Variants in TMEM200A observed in about 807,000 individuals in gnomAD.
TMEM200A encodes the protein two transmembrane C.
A neutral mutation model predicts 24.3 loss-of-function variants in TMEM200A; 12 were observed. That is an observed-to-expected ratio of 0.49 (90% confidence interval 0.32 to 0.80). The LOEUF (loss-of-function observed/expected upper bound fraction) is 0.80. TMEM200A is among the 30% of genes least tolerant of loss of function. TMEM200A has a pLI of 0.04. For missense variants in TMEM200A, 545 were observed against 614.4 expected, an observed-to-expected ratio of 0.89 and a Z score of 1.19; for synonymous variants, 224 against 224.4, an observed-to-expected ratio of 1.00 and a Z score of 0.02.
chr6:130,365,954 C>T (rs1010433522), upstream of TMEM200A: 2 of 973,978 alleles, frequency 2.1e-6, no homozygotes, highest in African/African-American at 4.1e-5. Flanking sequence ...GAAGTCCGCC[C>T]CGGCCCCCGC....
rs374337117 is a variant in TMEM200A at position 130,376,053 on chromosome 6, G to T, written c.-80-9120G>T. Among the ~76,000 whole-genome samples the T allele has an allele frequency of 3.2e-3, 488 of 151,700 alleles. 1 individual carries two copies. Among genetic ancestry groups the T allele is most frequent in the Middle Eastern group, 0.028 (8 of 290 alleles). On this transcript the variant is annotated intron_variant, in intron 1 of 2. Coordinates refer to ENST00000296978, the MANE Select transcript of TMEM200A (RefSeq NM_001258277.2). ...AATAGCAATTTCAAAAGAATATATA[G>T]AGCTTAGTAAGTCCACCACAGAGTT...
intron 2 of TMEM200A, among the ~76,000 whole-genome samples, chr6:130,436,190 A>G (rs1156465222): frequency 6.6e-6 from 1 of 152,200 alleles, no homozygotes; most frequent in Non-Finnish European, 1.5e-5. Flanking sequence ...AAGTTACCTA[A>G]GCTCTCTTAG....
intron 2 of TMEM200A, among the ~76,000 whole-genome samples, chr6:130,433,136 C>CT (rs34311658): frequency 0.12 from 15,926 of 138,398 alleles, 2,291 homozygotes; most frequent in African/African-American, 0.34. Context: ...AAAAGATGAT[C>CT]TTTTTTTTTT....
chr6:130,430,870 G>T lies in TMEM200A; in HGVS notation c.-16-9537G>T, dbSNP rs558769498. On this transcript the variant is annotated intron_variant, in intron 2 of 2. Transcript: ENST00000296978. Reference sequence around the variant, plus strand: ...TTCTAATGTTTGTATAGAATTTTAAGAACGCTTTACTATTAATTGAGCTAC... The same window carrying T: ...TTCTAATGTTTGTATAGAATTTTAATAACGCTTTACTATTAATTGAGCTAC... Among the ~76,000 whole-genome samples, 81 of 152,172 alleles carry T rather than the reference G, an allele frequency of 5.3e-4. 1 individual carries two copies. The highest frequency in any genetic ancestry group is 3.2e-4 in the Non-Finnish European group (22 of 68,034).
intron 2 of TMEM200A, among the ~76,000 whole-genome samples, chr6:130,428,099 G>C (rs373877331): frequency 6.6e-6 from 1 of 152,028 alleles, no homozygotes; most frequent in Non-Finnish European, 1.5e-5. Flanking sequence ...TTACTGCTAG[G>C]CATTCTTTCT....
chr6:130,434,190 G>A (rs1300769438), intron 2 of TMEM200A, among the ~76,000 whole-genome samples: 2 of 152,174 alleles, frequency 1.3e-5, no homozygotes, highest in African/African-American at 4.8e-5. Flanking sequence ...TACTTACTGA[G>A]CATTTAGTAT....
At chr6:130,409,674 G>T (rs537544729) in intron 2 of TMEM200A, among the ~76,000 whole-genome samples, 102 of 152,266 alleles carry the variant, frequency 6.7e-4, no homozygotes, top group African/African-American at 2.4e-3. Context: ...TGACTAGCAG[G>T]TGGTTAGACA....
intron 2 of TMEM200A, among the ~76,000 whole-genome samples, chr6:130,389,656 A>C (rs1778791129): frequency 1.4e-5 from 2 of 147,928 alleles, no homozygotes; most frequent in Admixed American, 1.4e-4. Context: ...AATAACAATA[A>C]TATAGCTTGT....
intron 1 of TMEM200A, among the ~76,000 whole-genome samples, chr6:130,379,004 T>C (rs1778533949): frequency 1.3e-5 from 2 of 152,164 alleles, no homozygotes; most frequent in Non-Finnish European, 2.9e-5. Context: ...TTGAACTCAT[T>C]CTTTTTATGA....
intron 2 of TMEM200A, among the ~76,000 whole-genome samples, chr6:130,388,363 A>G (rs888984318): frequency 6.6e-6 from 1 of 152,232 alleles, no homozygotes; most frequent in African/African-American, 2.4e-5. Context: ...AGCTGTGTAG[A>G]TGTTTCCCAA....
At chr6:130,374,444 G>A (rs950007794) in intron 1 of TMEM200A, among the ~76,000 whole-genome samples, 2 of 149,340 alleles carry the variant, frequency 1.3e-5, no homozygotes, top group East Asian at 1.9e-4. Flanking sequence ...ACGGAGTCTC[G>A]CTCTGTCACC....
intron 2 of TMEM200A, among the ~76,000 whole-genome samples, chr6:130,398,965 A>G (rs1779019531): frequency 6.6e-6 from 1 of 151,862 alleles, no homozygotes; most frequent in Admixed American, 6.6e-5. Flanking sequence ...CATAGTAGTT[A>G]TTTCATTGAT....
intron 1 of TMEM200A, among the ~76,000 whole-genome samples, chr6:130,373,528 A>G (rs1583170389): frequency 6.6e-6 from 1 of 151,870 alleles, no homozygotes; most frequent in Admixed American, 6.6e-5. Flanking sequence ...TATTAATGTC[A>G]GTATAATATT....
chr6:130,408,403 C>T (rs1165194201), intron 2 of TMEM200A, among the ~76,000 whole-genome samples: 5 of 152,220 alleles, frequency 3.3e-5, no homozygotes, highest in African/African-American at 1.2e-4. Flanking sequence ...AGCCTCCATC[C>T]TCTGACCCTG....
intron 2 of TMEM200A, among the ~76,000 whole-genome samples, chr6:130,387,265 T>A (rs181659247): frequency 7.2e-5 from 11 of 152,114 alleles, no homozygotes; most frequent in African/African-American, 2.7e-4. Context: ...TTTATTTGGA[T>A]AGAGTTGTGT....
chr6:130,378,792 T>C (rs1192454000), intron 1 of TMEM200A, among the ~76,000 whole-genome samples: 3 of 151,738 alleles, frequency 2.0e-5, no homozygotes, highest in Non-Finnish European at 4.4e-5. Flanking sequence ...ATGAGAGATA[T>C]TTTACTTTGG....
chr6:130,414,387 G>C (rs775284482), intron 2 of TMEM200A, among the ~76,000 whole-genome samples: 2 of 145,968 alleles, frequency 1.4e-5, no homozygotes, highest in African/African-American at 5.2e-5. Flanking sequence ...AGCTGAGATC[G>C]CGCTGCTGCA....
rs1427534971 is a variant in TMEM200A at position 130,390,476 on chromosome 6, G to A, written c.-17+5240G>A. 3.3e-5 allele frequency among the ~76,000 whole-genome samples: 5 copies of A among 152,198 alleles called. 1 individual carries two copies. The highest frequency in any genetic ancestry group is 7.3e-5 in the Non-Finnish European group (5 of 68,040). On this transcript the variant is annotated intron_variant, in intron 2 of 2. Coordinates refer to ENST00000296978, the MANE Select transcript of TMEM200A (RefSeq NM_001258277.2). The stretch of plus-strand genomic sequence containing the variant: ...TCAGTGAGCTCTTTCTGACTTTACA[G>A]AGTGAAACTAGTACTGCCTACTTGA...
chr6:130,441,410 C>A lies in TMEM200A; in HGVS notation c.988C>A (p.Pro330Thr). The change falls in exon 3 of 3, where the codon CCT becomes ACT. Residue 330 changes from proline to threonine, a missense_variant. By Grantham distance (38) the Pro-to-Thr change is conservative (BLOSUM62 -1). Coordinates refer to ENST00000296978, the MANE Select transcript of TMEM200A (RefSeq NM_001258277.2). ...RNLSMDSLVV[P>T]LPNTSESFQP... ...TTTGTCAATGGATTCCCTTGTGGTT[C>A]CTTTGCCCAACACCAGTGAATCCTT... 6.2e-7 allele frequency: 1 copy of A among 1,614,068 alleles called. No homozygotes were observed. Among genetic ancestry groups the A allele is most frequent in the Non-Finnish European group, 8.5e-7 (1 of 1,179,994 alleles).
Sources: gnomAD v4.1 joint callset for allele counts (sites outside exome capture counted in the v4.1 genomes callset) on GRCh38, gnomAD v4.1.1 for gene constraint, MANE v1.5 for transcripts, NCBI Gene and HGNC (gene_info 2026-07-23, HGNC 2026-07-21) for gene names.